The following TRABD2B variants were observed in gnomAD, a reference collection of about 807,000 sequenced individuals.
The protein encoded by TRABD2B is metalloprotease TIKI2.
A neutral mutation model predicts 40.1 loss-of-function variants in TRABD2B; 14 were observed. That is an observed-to-expected ratio of 0.35 (90% CI 0.23 to 0.55). TRABD2B has a LOEUF of 0.55. Ranked by LOEUF, TRABD2B falls within the 20% of genes least tolerant of loss-of-function variation. TRABD2B has a pLI of 0.90. For missense variants in TRABD2B, 541 were observed against 648.6 expected (o/e 0.83, Z 1.80); for synonymous variants, 263 against 277.0 (o/e 0.95, Z 0.50).
At chr1:47,857,332 C>G (rs1462770660) in intron 2 of TRABD2B, among the ~76,000 whole-genome samples, 1 of 152,176 alleles carries the variant, frequency 6.6e-6, no homozygotes, top group Non-Finnish European at 1.5e-5. Flanking sequence ...TCTTCTTAGC[C>G]TGCAGACTTG....
intron 2 of TRABD2B, among the ~76,000 whole-genome samples, chr1:47,986,868 A>G (rs1184239539): frequency 2.0e-5 from 3 of 152,200 alleles, no homozygotes. Flanking sequence ...CAGCCGCTGA[A>G]CAGAACTGAA....
intron 2 of TRABD2B, among the ~76,000 whole-genome samples, chr1:47,826,620 C>A (rs964835034): frequency 6.6e-6 from 1 of 152,078 alleles, no homozygotes; most frequent in African/African-American, 2.4e-5. Context: ...GTTACCCAGG[C>A]TGGAGTGCAC....
intron 2 of TRABD2B, among the ~76,000 whole-genome samples, chr1:47,983,756 GAAAAA>G (rs67664418): frequency 8.2e-6 from 1 of 122,180 alleles, no homozygotes; most frequent in Non-Finnish European, 1.7e-5. Context: ...GGCAAAAAAA[GAAAAA>G]AAAAAAAAAA....
chr1:47,964,259 A>G (rs1258093725), intron 2 of TRABD2B, among the ~76,000 whole-genome samples: 1 of 152,222 alleles, frequency 6.6e-6, no homozygotes, highest in Admixed American at 6.5e-5. Flanking sequence ...GTCAGGCCCA[A>G]GGGGTCAAGG....
intron 2 of TRABD2B, among the ~76,000 whole-genome samples, chr1:47,895,021 A>G (rs1644497742): frequency 6.6e-6 from 1 of 152,100 alleles, no homozygotes; most frequent in Non-Finnish European, 1.5e-5. Flanking sequence ...CCTGCATAAC[A>G]AGGGATCTAA....
intron 2 of TRABD2B, among the ~76,000 whole-genome samples, chr1:47,940,611 A>C (rs1645172667): frequency 6.6e-6 from 1 of 152,202 alleles, no homozygotes; most frequent in Non-Finnish European, 1.5e-5. Flanking sequence ...ACTGAAGATC[A>C]GTGGCTGCAG....
At chr1:47,768,702 C>T (rs927720930) in intron 6 of TRABD2B, among the ~76,000 whole-genome samples, 2 of 152,164 alleles carry the variant, frequency 1.3e-5, no homozygotes, top group Non-Finnish European at 2.9e-5. Context: ...TTGAACAGTG[C>T]CTGGCACACA....
intron 2 of TRABD2B, among the ~76,000 whole-genome samples, chr1:47,832,306 C>A (rs1645261223): frequency 6.6e-6 from 1 of 151,666 alleles, no homozygotes; most frequent in Non-Finnish European, 1.5e-5. Context: ...GCACTCCAGC[C>A]TGGGCAACAA....
chr1:47,913,253 C>T (rs1416776818), intron 2 of TRABD2B, among the ~76,000 whole-genome samples: 2 of 152,200 alleles, frequency 1.3e-5, no homozygotes, highest in Non-Finnish European at 2.9e-5. Flanking sequence ...TCGATCCACT[C>T]TCTCCTGAGC....
chr1:47,966,292 C>T (rs1316394551), intron 2 of TRABD2B, among the ~76,000 whole-genome samples: 1 of 152,150 alleles, frequency 6.6e-6, no homozygotes, highest in Non-Finnish European at 1.5e-5. Context: ...CCTGGCCACG[C>T]TTGTCAGTAT....
chr1:47,843,234 T>C (rs967804949), intron 2 of TRABD2B, among the ~76,000 whole-genome samples: 1 of 152,062 alleles, frequency 6.6e-6, no homozygotes, highest in Non-Finnish European at 1.5e-5. Context: ...CTGATTTGCA[T>C]GTTAAAGGCT....
At chr1:47,849,606 T>TA (rs1412915581) in intron 2 of TRABD2B, among the ~76,000 whole-genome samples, 3 of 152,230 alleles carry the variant, frequency 2.0e-5, no homozygotes, top group Non-Finnish European at 2.9e-5. Flanking sequence ...AGCTAGAATG[T>TA]AAGTTCTGAG....
intron 2 of TRABD2B, among the ~76,000 whole-genome samples, chr1:47,977,380 C>A (rs1330918801): frequency 2.6e-5 from 4 of 152,060 alleles, no homozygotes; most frequent in Non-Finnish European, 5.9e-5. Flanking sequence ...CCAGGTTAGT[C>A]CATTTTTAAT....
At chr1:47,766,516 C>T (rs913833022) in intron 6 of TRABD2B, among the ~76,000 whole-genome samples, 3 of 152,336 alleles carry the variant, frequency 2.0e-5, no homozygotes, top group East Asian at 1.9e-4. Context: ...CGCCAAAACA[C>T]GCAGAAAACA....
intron 6 of TRABD2B, among the ~76,000 whole-genome samples, chr1:47,774,466 C>T (rs531225670): frequency 6.6e-6 from 1 of 152,286 alleles, no homozygotes; most frequent in Non-Finnish European, 1.5e-5. Context: ...TCTGGGGAAA[C>T]TCCTGTGTAC....
intron 2 of TRABD2B, among the ~76,000 whole-genome samples, chr1:47,939,549 T>C (rs984715516): frequency 3.3e-5 from 5 of 152,202 alleles, no homozygotes; most frequent in African/African-American, 1.2e-4. Flanking sequence ...TCAACAGCCC[T>C]ATGAGACAGG....
chr1:47,935,647 G>GA (rs926916852), intron 2 of TRABD2B, among the ~76,000 whole-genome samples: 1 of 152,010 alleles, frequency 6.6e-6, no homozygotes, highest in Non-Finnish European at 1.5e-5. Flanking sequence ...AGGACTGCAG[G>GA]AAAAAAACAC....
At chr1:47,943,985 T>A (rs1296144531) in intron 2 of TRABD2B, among the ~76,000 whole-genome samples, 4 of 152,204 alleles carry the variant, frequency 2.6e-5, no homozygotes, top group Non-Finnish European at 5.9e-5. Flanking sequence ...AGCCAGACAC[T>A]CAACTAATCA....
At chr1:47,919,876 G>C (rs181273808) in intron 2 of TRABD2B, among the ~76,000 whole-genome samples, 1 of 152,344 alleles carries the variant, frequency 6.6e-6, no homozygotes, top group East Asian at 1.9e-4. Flanking sequence ...GCAGGAAAGA[G>C]AGGGAGGATG....
Sources: allele counts gnomAD v4.1 joint callset (sites outside exome capture counted in the v4.1 genomes callset), GRCh38; gene constraint gnomAD v4.1.1; transcripts MANE v1.5; gene names NCBI Gene and HGNC (gene_info 2026-07-23, HGNC 2026-07-21).